Variants in CYSTM1 observed in about 807,000 individuals in gnomAD.
CYSTM1 encodes the protein cysteine-rich transmembrane module-containing protein 1.
In CYSTM1, 4 loss-of-function variants were observed where a neutral mutation model predicts 13.1. That is an observed-to-expected ratio of 0.31 (90% CI 0.15 to 0.70). The LOEUF is 0.70. CYSTM1 is among the 30% of genes least tolerant of loss of function. The pLI is 0.72. For missense variants in CYSTM1, 96 were observed against 121.6 expected (o/e 0.79, Z 0.99); for synonymous variants, 36 against 42.7 (o/e 0.84, Z 0.62).
intron 2 of CYSTM1, among the ~76,000 whole-genome samples, chr5:140,222,355 G>T (rs558359432): frequency 6.6e-6 from 1 of 152,206 alleles, no homozygotes; most frequent in Non-Finnish European, 1.5e-5. Context: ...GCACAGGACC[G>T]GTTTTTCCCC....
At chr5:140,192,870 G>A (rs1384301923) in intron 1 of CYSTM1, among the ~76,000 whole-genome samples, 1 of 152,156 alleles carries the variant, frequency 6.6e-6, no homozygotes, top group Non-Finnish European at 1.5e-5. Context: ...TTTCCCTGAA[G>A]CACATGAACT....
At chr5:140,185,568 C>A (rs956341259) in intron 1 of CYSTM1, among the ~76,000 whole-genome samples, 2 of 152,178 alleles carry the variant, frequency 1.3e-5, no homozygotes, top group African/African-American at 4.8e-5. Flanking sequence ...TAGAAAATGG[C>A]AATACCCAGC....
At chr5:140,197,734 T>C (rs1581062110) in intron 2 of CYSTM1, among the ~76,000 whole-genome samples, 1 of 152,240 alleles carries the variant, frequency 6.6e-6, no homozygotes, top group Non-Finnish European at 1.5e-5. Flanking sequence ...TCTACTACTG[T>C]AGATACTCTC....
intron 2 of CYSTM1, among the ~76,000 whole-genome samples, chr5:140,241,224 G>A (rs1007495064): frequency 1.3e-5 from 2 of 152,242 alleles, no homozygotes; most frequent in Non-Finnish European, 2.9e-5. Flanking sequence ...TGTTTCCCCA[G>A]TTAAGCTGCC....
intron 1 of CYSTM1, among the ~76,000 whole-genome samples, chr5:140,177,077 A>C (rs948565290): frequency 2.0e-5 from 3 of 151,004 alleles, no homozygotes; most frequent in Non-Finnish European, 4.4e-5. Flanking sequence ...TCAAAAAAAA[A>C]AAAAAAAAAA....
intron 1 of CYSTM1, among the ~76,000 whole-genome samples, chr5:140,184,693 T>C (rs1266088791): frequency 1.3e-5 from 2 of 152,208 alleles, no homozygotes; most frequent in Non-Finnish European, 2.9e-5. Context: ...ATAAATGTTA[T>C]ATCTTACAGA....
intron 2 of CYSTM1, among the ~76,000 whole-genome samples, chr5:140,229,706 TA>T (rs1482928161): frequency 2.0e-5 from 3 of 152,092 alleles, no homozygotes; most frequent in Non-Finnish European, 4.4e-5. Context: ...TGTATTTATT[TA>T]TTTTTTTGAG....
At chr5:140,195,649 T>C (rs1009218470) in intron 2 of CYSTM1, among the ~76,000 whole-genome samples, 8 of 151,346 alleles carry the variant, frequency 5.3e-5, no homozygotes, top group Admixed American at 5.2e-4. Flanking sequence ...GCCAGGATGG[T>C]CTCAATCTCC....
chr5:140,206,846 G>A (rs1330965507), intron 2 of CYSTM1, among the ~76,000 whole-genome samples: 5 of 152,138 alleles, frequency 3.3e-5, no homozygotes, highest in African/African-American at 9.6e-5. Flanking sequence ...CACTGCCCCG[G>A]TTGGTCTTGA....
intron 2 of CYSTM1, among the ~76,000 whole-genome samples, chr5:140,218,994 G>A (rs1281702067): frequency 6.6e-6 from 1 of 152,170 alleles, no homozygotes; most frequent in Non-Finnish European, 1.5e-5. Flanking sequence ...CAAGAGGCTG[G>A]TCATGATTGT....
intron 2 of CYSTM1, among the ~76,000 whole-genome samples, chr5:140,209,799 A>G (rs1764341855): frequency 6.6e-6 from 1 of 152,140 alleles, no homozygotes; most frequent in African/African-American, 2.4e-5. Flanking sequence ...ACCTCAGGTG[A>G]TCTGCCCACC....
At chr5:140,225,770 C>T (rs1764540820) in intron 2 of CYSTM1, among the ~76,000 whole-genome samples, 1 of 152,244 alleles carries the variant, frequency 6.6e-6, no homozygotes. Context: ...CCCTCCCCAG[C>T]ATTCTTGTAT....
intron 2 of CYSTM1, among the ~76,000 whole-genome samples, chr5:140,237,699 CTAGA>C (rs1764698762): frequency 6.6e-6 from 1 of 152,176 alleles, no homozygotes; most frequent in African/African-American, 2.4e-5. Flanking sequence ...TCCATATCTA[CTAGA>C]TAGATTTTGT....
intron 1 of CYSTM1, among the ~76,000 whole-genome samples, chr5:140,182,561 C>T (rs985542835): frequency 5.3e-5 from 8 of 151,574 alleles, no homozygotes; most frequent in African/African-American, 1.9e-4. Context: ...CTTTCTGTGC[C>T]AGCGTGCTCT....
chr5:140,236,691 C>T (rs541562476), intron 2 of CYSTM1, among the ~76,000 whole-genome samples: 137 of 152,300 alleles, frequency 9.0e-4, no homozygotes, highest in African/African-American at 3.2e-3. Flanking sequence ...GAAGCAGAGG[C>T]TCAGAGAGGT....
At position 140,203,755 on chromosome 5, in the gene CYSTM1, A is replaced by G. The variant is rs543894107; in HGVS notation, c.187+9103A>G. The stretch of plus-strand genomic sequence containing the variant: ...GAAGGGGGTTTTTTATTTTATCACC[A>G]AATTGAAATGACTTCCACTCAGATA... On this transcript the variant is annotated intron_variant, in intron 2 of 2. Coordinates refer to ENST00000261811, the MANE Select transcript of CYSTM1 (RefSeq NM_032412.4). Among the ~76,000 whole-genome samples the G allele has an allele frequency of 1.2e-4, 19 of 152,294 alleles. No individual in the cohort carries two copies. In the East Asian group the frequency reaches 3.7e-3, roughly 29 times the overall value.
At chr5:140,243,119 G>C (rs74775666) in intron 2 of CYSTM1, among the ~76,000 whole-genome samples, 186 bp from the exon 3 acceptor site, 1,705 of 152,322 alleles carry the variant, frequency 0.011, 48 homozygotes, top group African/African-American at 0.039. Flanking sequence ...GTGGCAGGAG[G>C]GAGAAAGCAG....
At chr5:140,181,667 A>G (rs569350630) in intron 1 of CYSTM1, among the ~76,000 whole-genome samples, 16 of 152,204 alleles carry the variant, frequency 1.1e-4, no homozygotes, top group Non-Finnish European at 1.8e-4. Flanking sequence ...TTTATATTTC[A>G]TAGAGATGGG....
In CYSTM1 at chr5:140,215,245, T is replaced by A. The variant is rs538155140; in HGVS notation, c.187+20593T>A. On this transcript the variant is annotated intron_variant, in intron 2 of 2. Transcript: ENST00000261811. ...ATATTCTGCTTATATTGTGGCTCCT[T>A]GGAGCCACAGAGTTGAGATGCTCTA... Among the ~76,000 whole-genome samples the A allele has an allele frequency of 3.9e-5, 6 of 152,360 alleles. No individual in the cohort carries two copies. The East Asian group carries it at 9.6e-4, about 24-fold the overall frequency.
Sources: allele counts gnomAD v4.1 joint callset (sites outside exome capture counted in the v4.1 genomes callset), GRCh38; gene constraint gnomAD v4.1.1; transcripts MANE v1.5; gene names NCBI Gene and HGNC (gene_info 2026-07-23, HGNC 2026-07-21).